CYLD: variants seen among roughly 807,000 people sequenced by gnomAD.
CYLD encodes CYLD lysine 63 deubiquitinase.
Under a neutral mutation model 104.5 loss-of-function variants are expected in CYLD, and 26 were observed. The observed-to-expected ratio is 0.25, with a 90% CI of 0.18 to 0.35. The LOEUF is 0.35. Ranked by LOEUF, CYLD falls within the 10% of genes least tolerant of loss-of-function variation. The pLI, the probability that CYLD is intolerant of heterozygous loss-of-function variation, is 1.00. For missense variants in CYLD, 703 were observed against 1,136.1 expected (o/e 0.62, Z 5.48); for synonymous variants, 385 against 399.9 (o/e 0.96, Z 0.45).
At chr16:50,788,849 C>A (rs980204602) in intron 14 of CYLD, among the ~76,000 whole-genome samples, 3 of 151,804 alleles carry the variant, frequency 2.0e-5, no homozygotes, top group African/African-American at 7.3e-5. Flanking sequence ...GTATAAAATA[C>A]CAAGAAATCA....
In CYLD at chr16:50,791,633, C is replaced by A. The variant is rs1477684519; in HGVS notation, c.2184C>A (p.Pro728=). The A allele has an allele frequency of 1.2e-6, 2 of 1,613,834 alleles. No individual in the cohort carries two copies. The highest frequency in any genetic ancestry group is 1.1e-5 in the South Asian group (1 of 91,072). ...AAAAAAATGAGAAAGTTGGCGTTCC[C>A]ACAATTCAGCAGTTGTTAGAATGGT... ...FMEKNEKVGV[P]TIQQLLEWSF... is the part of the protein sequence containing the mutation. Residue 728 remains proline (P), a synonymous_variant, in exon 15 of 19, where the codon CCC becomes CCA. Transcript: ENST00000427738.
Position 50,797,513 on chromosome 16 carries a change from G to A in CYLD, c.*1005G>A, listed in dbSNP as rs886138352. On this transcript the variant is annotated 3_prime_UTR_variant, in exon 19 of 19. Coordinates refer to ENST00000427738, the MANE Select transcript of CYLD (RefSeq NM_001378743.1). ...ACTTGATAGAATCAGATATGTTATC[G>A]AAATGTTAGCAGCAGCTTCATCCTC... 10 of 232,184 alleles carry A rather than the reference G, an allele frequency of 4.3e-5. No individual in the cohort carries two copies. Among genetic ancestry groups the A allele is most frequent in the East Asian group, 6.1e-5 (1 of 16,524 alleles). The allele number at this position is 232,184 out of a possible 1,614,324, so 14.4% of individuals were successfully genotyped here.
chr16:50,751,729 T>C lies in CYLD; in HGVS notation c.630T>C (p.Thr210=). 1.2e-6 allele frequency: 2 copies of C among 1,613,830 alleles called. No homozygotes were observed. The highest frequency in any genetic ancestry group is 1.7e-6 in the Non-Finnish European group (2 of 1,179,828). The part of the protein sequence containing the change: ...DKLELIEDDD[T]ALESDYAGPG... ...TAGAACTCATAGAAGATGATGACAC[T>C]GCATTGGAAAGTGATTACGCAGGTC... Residue 210 remains threonine (T), a synonymous_variant, in exon 4 of 19, where the codon ACT becomes ACC. Transcript: ENST00000427738.
intron 6 of CYLD, 121 bp from the exon 7 acceptor site, chr16:50,776,058 G>A (rs1411085935): frequency 2.7e-6 from 2 of 738,984 alleles, no homozygotes; most frequent in African/African-American, 1.7e-5. Flanking sequence ...AAAGGCATTT[G>A]TAAAACTAAA....
chr16:50,749,009 T>G (rs1328840295), intron 2 of CYLD, among the ~76,000 whole-genome samples: 4 of 152,252 alleles, frequency 2.6e-5, no homozygotes, highest in Middle Eastern at 3.4e-3. Context: ...CAAGACCAGC[T>G]TAGGCAACAT....
chr16:50,755,117 ACATGTG>A (rs879346499), intron 5 of CYLD, among the ~76,000 whole-genome samples: 63,258 of 139,750 alleles, frequency 0.45, 17,777 homozygotes, highest in African/African-American at 0.51. Context: ...ACACATATAC[ACATGTG>A]TATATATACA....
rs957180855 is a variant in CYLD, at chr16:50,792,172, T to C, written c.2242-425T>C. On this transcript the variant is annotated intron_variant, in intron 15 of 18. Coordinates refer to ENST00000427738, the MANE Select transcript of CYLD (RefSeq NM_001378743.1). ...AGTATATGCTTGTGGTTTATTTTGA[T>C]TGTATTCATTTCTGAAGTCATTTTT... 4.6e-5 allele frequency among the ~76,000 whole-genome samples: 7 copies of C among 152,242 alleles called. 1 individual carries two copies. In the East Asian group the frequency reaches 5.8e-4, roughly 13 times the overall value.
At chr16:50,746,696 C>T (rs917903755) in intron 2 of CYLD, among the ~76,000 whole-genome samples, 13 of 152,058 alleles carry the variant, frequency 8.5e-5, no homozygotes, top group African/African-American at 2.9e-4. Context: ...TAGTTTATTA[C>T]CCTAAAACAT....
rs1247308538 is a variant in CYLD, at chr16:50,797,798, A to G, written c.*1290A>G. 2 of 232,672 alleles carry G rather than the reference A, an allele frequency of 8.6e-6. No homozygotes were observed. Among genetic ancestry groups the G allele is most frequent in the African/African-American group, 4.4e-5 (2 of 45,316 alleles). The allele number at this position is 232,672 out of a possible 1,614,324, so 14.4% of individuals were successfully genotyped here. A position where few individuals can be genotyped will look rare whatever the true frequency, so the allele number is the denominator to read the frequency against. On this transcript the variant is annotated 3_prime_UTR_variant, in exon 19 of 19. Coordinates refer to ENST00000427738, the MANE Select transcript of CYLD (RefSeq NM_001378743.1). ...TTTAATGTGACAAAAAGTGGAAAGA[A>G]TCTTTACAAACCCTGCAATTACTTT...
At position 50,751,764 on chromosome 16, in the gene CYLD, C is replaced by A. The variant is rs587778225; in HGVS notation, c.665C>A (p.Thr222Lys). The A allele has an allele frequency of 4.2e-5, 68 of 1,613,466 alleles. No individual in the cohort carries two copies. Among genetic ancestry groups the A allele is most frequent in the Admixed American group, 2.2e-4 (13 of 59,922 alleles). ...AGTGATTACGCAGGTCCTGGGGACACAATGCAGGTCGAACTTCCTCCTTTG... is the reference window on the plus strand; with the variant it reads ...AGTGATTACGCAGGTCCTGGGGACAAAATGCAGGTCGAACTTCCTCCTTTG... ...LESDYAGPGDTMQVELPPLEI... is the reference protein window; with the variant it reads ...LESDYAGPGDKMQVELPPLEI... Residue 222 changes from threonine to lysine, a missense_variant, in exon 4 of 19, where the codon ACA becomes AAA. Physicochemically the swap from Thr to Lys is moderately conservative, Grantham distance 78 (BLOSUM62 -1). Around this residue, in one of 5 missense-constraint regions of CYLD, gnomAD observed 123 missense variants for 213.3 expected, o/e 0.58. Transcript: ENST00000427738.
rs146935881 is a variant in CYLD at position 50,797,699 on chromosome 16, C to G, written c.*1191C>G. On this transcript the variant is annotated 3_prime_UTR_variant, in exon 19 of 19. Coordinates refer to ENST00000427738, the MANE Select transcript of CYLD (RefSeq NM_001378743.1). ...GTTGTTTTGTGGTATCATTGTCTTTCCTGAATGACTTTCTAACTGTGCAGA... is the reference window on the plus strand; with the variant it reads ...GTTGTTTTGTGGTATCATTGTCTTTGCTGAATGACTTTCTAACTGTGCAGA... 1.9e-4 allele frequency: 44 copies of G among 232,870 alleles called. No homozygotes were observed. Among genetic ancestry groups the G allele is most frequent in the African/African-American group, 6.6e-5 (3 of 45,392 alleles). The allele number at this position is 232,870 out of a possible 1,614,324, so 14.4% of individuals were successfully genotyped here.
rs182385473 is a variant in CYLD at position 50,742,885 on chromosome 16, G to T, written c.-124+44G>T. ...TTTCTTTCATGTTAACAATCGAGGGGGGTGGGGGGCGAATGGGGGGCGGGG... is the reference window on the plus strand; with the variant it reads ...TTTCTTTCATGTTAACAATCGAGGGTGGTGGGGGGCGAATGGGGGGCGGGG... On this transcript the variant is annotated intron_variant, in intron 2 of 18. Transcript: ENST00000427738. 3.7e-4 allele frequency: 149 copies of T among 397,540 alleles called. No individual in the cohort carries two copies. The East Asian group carries it at 5.3e-3, about 14-fold the overall frequency. The allele number at this position is 397,540 out of a possible 1,614,324, so 24.6% of individuals were successfully genotyped here.
chr16:50,794,643 T>C lies in CYLD; in HGVS notation c.2686+215T>C. 1.8e-6 allele frequency: 1 copy of C among 556,060 alleles called. No homozygotes were observed. Among genetic ancestry groups the C allele is most frequent in the Non-Finnish European group, 3.2e-6 (1 of 310,084 alleles). The allele number at this position is 556,060 out of a possible 1,614,324, so 34.4% of individuals were successfully genotyped here. A position where few individuals can be genotyped will look rare whatever the true frequency, so the allele number is the denominator to read the frequency against. Reference sequence around the variant, plus strand: ...TGTTTTTTTTTTTCCTTTTTTGAGATGGAGTCTCACTCTGTCACCCAGGCT... The same window carrying C: ...TGTTTTTTTTTTTCCTTTTTTGAGACGGAGTCTCACTCTGTCACCCAGGCT... On this transcript the variant is annotated intron_variant, in intron 18 of 18. Transcript: ENST00000427738. This position sits in a 1 kb window ranked among gnomAD's most constrained non-coding sequence, Gnocchi z 4.1.
rs1466410981 is a variant in CYLD, at chr16:50,801,776, C to T, written c.*5268C>T. On this transcript the variant is annotated 3_prime_UTR_variant, in exon 19 of 19. Coordinates refer to ENST00000427738, the MANE Select transcript of CYLD (RefSeq NM_001378743.1). ...GCAGAACATCCTATATTTATGAGAACATTCTTTAAGAAGACCACCACATAG... is the reference window on the plus strand; with the variant it reads ...GCAGAACATCCTATATTTATGAGAATATTCTTTAAGAAGACCACCACATAG... 1 of 233,128 alleles carries T rather than the reference C, an allele frequency of 4.3e-6. No homozygotes were observed. The highest frequency in any genetic ancestry group is 2.2e-5 in the African/African-American group (1 of 45,280). The allele number at this position is 233,128 out of a possible 1,614,324, so 14.4% of individuals were successfully genotyped here.
rs1252604610 is a variant in CYLD, at chr16:50,780,184, T to C, written c.1518+140T>C. On this transcript the variant is annotated intron_variant, in intron 9 of 18. Coordinates refer to ENST00000427738, the MANE Select transcript of CYLD (RefSeq NM_001378743.1). ...GCAGAATAATTTTCTCACCATGTTT[T>C]CTGACTTCCCTTTGCCGCCCCTGAA... The C allele has an allele frequency of 5.6e-6, 6 of 1,072,664 alleles. No homozygotes were observed. In the Admixed American group the frequency reaches 1.2e-4, roughly 21 times the overall value. 66.4% of individuals were successfully genotyped at this position (1,072,664 alleles called of 1,614,324 possible).
chr16:50,798,362 T>G lies in CYLD; in HGVS notation c.*1854T>G, dbSNP rs1008418315. 1 of 231,954 alleles carries G rather than the reference T, an allele frequency of 4.3e-6. No homozygotes were observed. The highest frequency in any genetic ancestry group is 8.5e-6 in the Non-Finnish European group (1 of 117,372). The allele number at this position is 231,954 out of a possible 1,614,324, so 14.4% of individuals were successfully genotyped here. A position where few individuals can be genotyped will look rare whatever the true frequency, so the allele number is the denominator to read the frequency against. ...CCGTATTGAACATGTACAGACTTTT[T>G]TCTTGTCATTATTCTCTGAACAATA... On this transcript the variant is annotated 3_prime_UTR_variant, in exon 19 of 19. Coordinates refer to ENST00000427738, the MANE Select transcript of CYLD (RefSeq NM_001378743.1).
intron 5 of CYLD, among the ~76,000 whole-genome samples, chr16:50,757,949 C>T (rs1967456386): frequency 6.6e-6 from 1 of 152,090 alleles, no homozygotes; most frequent in African/African-American, 2.4e-5. Flanking sequence ...AAAGGCCATT[C>T]CTTCATTCAA....
In CYLD at chr16:50,749,973, T is replaced by C. The variant is rs768418690; in HGVS notation, c.275T>C (p.Ile92Thr). The change falls in exon 3 of 19, where the codon ATA becomes ACA. Residue 92 changes from isoleucine to threonine, a missense_variant. Physicochemically the swap from Ile to Thr is moderately conservative, Grantham distance 89 (BLOSUM62 -1). Transcript: ENST00000427738. ...LFVDEKDVVE[I>T]NEKFTELLLA... is the part of the protein sequence containing the mutation. ...GTTGATGAAAAGGATGTTGTAGAGA[T>C]AAATGAAAAGTTCACAGAGTTACTT... 6.2e-7 allele frequency: 1 copy of C among 1,614,170 alleles called. No individual in the cohort carries two copies. The highest frequency in any genetic ancestry group is 1.1e-5 in the South Asian group (1 of 91,084).
rs1971788634 is a variant in CYLD, at chr16:50,794,553, A to T, written c.2686+125A>T. 1 of 920,052 alleles carries T rather than the reference A, an allele frequency of 1.1e-6. No homozygotes were observed. The highest frequency in any genetic ancestry group is 2.4e-5 in the East Asian group (1 of 41,710). 57.0% of individuals were successfully genotyped at this position (920,052 alleles called of 1,614,324 possible). On this transcript the variant is annotated intron_variant, in intron 18 of 18. Coordinates refer to ENST00000427738, the MANE Select transcript of CYLD (RefSeq NM_001378743.1). The surrounding 1 kb of genome is among the most constrained non-coding windows in gnomAD (Gnocchi z 4.1). Reference sequence around the variant, plus strand: ...AAATCCTTTCAGGATTATTCTGGTGACAACAGTCTTATATCTTGGATTGCA... The same window carrying T: ...AAATCCTTTCAGGATTATTCTGGTGTCAACAGTCTTATATCTTGGATTGCA...
Sources: gnomAD v4.1 joint callset for allele counts (sites outside exome capture counted in the v4.1 genomes callset) on GRCh38, gnomAD v4.1.1 for gene constraint, gnomAD v4.1.1 regional missense constraint, Gnocchi (gnomAD v3.1) non-coding constraint, MANE v1.5 for transcripts, NCBI Gene and HGNC (gene_info 2026-07-23, HGNC 2026-07-21) for gene names.